Variants in LDB1 observed in about 807,000 individuals in gnomAD.
The protein encoded by LDB1 is LIM domain-binding protein 1.
LDB1 carries 6 observed loss-of-function variants against 49.7 expected under a neutral mutation model. The ratio of observed to expected loss-of-function variants is 0.12; its 90% CI spans 0.07 to 0.24. The LOEUF (loss-of-function observed/expected upper bound fraction) is 0.24, where lower values mean the gene tolerates loss of function less well. Among genes scored for constraint, LDB1 ranks in the 10% least tolerant of loss-of-function variants. LDB1 has a pLI of 1.00. For synonymous variants in LDB1, 233 were observed against 202.0 expected (o/e 1.15, Z -1.30); for missense variants, 341 against 561.7 (o/e 0.61, Z 3.97).
chr10:102,120,081 C>T lies in LDB1; in HGVS notation c.25+5G>A. 1 of 1,441,970 alleles carries T rather than the reference C, an allele frequency of 6.9e-7. No homozygotes were observed. The allele number at this position is 1,441,970 out of a possible 1,614,324, so 89.3% of individuals were successfully genotyped here. On this transcript the variant is annotated splice_donor_5th_base_variant and intron_variant, in intron 1 of 10. Transcript: ENST00000673968. ...AGGGGCCGAGTGGCCGCACGCCCCA[C>T]TCACCAGGACAGGCACAGCCCACTG...
Position 102,120,075 on chromosome 10 carries a change from G to T in LDB1, c.25+11C>A. The T allele has an allele frequency of 7.0e-7, 1 of 1,438,098 alleles. No individual in the cohort carries two copies. The highest frequency in any genetic ancestry group is 9.2e-7 in the Non-Finnish European group (1 of 1,086,180). The allele number at this position is 1,438,098 out of a possible 1,614,324, so 89.1% of individuals were successfully genotyped here. ...GCAGGAAGGGGCCGAGTGGCCGCACGCCCCACTCACCAGGACAGGCACAGC... is the reference window on the plus strand; with the variant it reads ...GCAGGAAGGGGCCGAGTGGCCGCACTCCCCACTCACCAGGACAGGCACAGC... On this transcript the variant is annotated intron_variant, in intron 1 of 10. Transcript: ENST00000673968.
intron 1 of LDB1, chr10:102,114,665 CCTGGGGGGCGGG>C: frequency 1.1e-6 from 1 of 926,012 alleles, no homozygotes; most frequent in Non-Finnish European, 1.3e-6. Flanking sequence ...AGGGGGCCGG[CCTGGGGGGCGGG>C]GGGCCGCGGG....
At position 102,107,992 on chromosome 10, in the gene LDB1, C is replaced by T; in HGVS notation, c.*101G>A. The T allele has an allele frequency of 1.0e-6, 1 of 956,016 alleles. No homozygotes were observed. Among genetic ancestry groups the T allele is most frequent in the South Asian group, 1.4e-5 (1 of 69,564 alleles). 59.2% of individuals were successfully genotyped at this position (956,016 alleles called of 1,614,324 possible). A position where few individuals can be genotyped will look rare whatever the true frequency, so the allele number is the denominator to read the frequency against. ...CCCTGAAGCGGGTGGATGGAGGCTG[C>T]CCATTTTAGATGCTCAGTCTCTTCA... On this transcript the variant is annotated 3_prime_UTR_variant, in exon 11 of 11. Coordinates refer to ENST00000673968, the MANE Select transcript of LDB1 (RefSeq NM_001113407.3).
Position 102,120,131 on chromosome 10 carries a change from G to A in LDB1, c.-21C>T. 2 of 1,332,994 alleles carry A rather than the reference G, an allele frequency of 1.5e-6. No homozygotes were observed. The allele number at this position is 1,332,994 out of a possible 1,614,324, so 82.6% of individuals were successfully genotyped here. ...GACATCTTCACATCGCCCGCCTCTGGGGGCCCAGCCGAGTCACGGTGCCCG... is the reference window on the plus strand; with the variant it reads ...GACATCTTCACATCGCCCGCCTCTGAGGGCCCAGCCGAGTCACGGTGCCCG... On this transcript the variant is annotated 5_prime_UTR_variant, in exon 1 of 11. Coordinates refer to ENST00000673968, the MANE Select transcript of LDB1 (RefSeq NM_001113407.3).
In LDB1 at chr10:102,111,239, C is replaced by T. The variant is rs777921023; in HGVS notation, c.173+17G>A. On this transcript the variant is annotated intron_variant, in intron 3 of 10. Coordinates refer to ENST00000673968, the MANE Select transcript of LDB1 (RefSeq NM_001113407.3). ...ACCCAGTGGAAAGCACCTTCTTCCC[C>T]ACTGGACTCCACTTACCCAATCCCT... The T allele has an allele frequency of 9.9e-6, 16 of 1,613,992 alleles. No individual in the cohort carries two copies. The Admixed American group carries it at 1.8e-4, about 18-fold the overall frequency.
chr10:102,121,041 C>T (rs907272015), upstream of LDB1, among the ~76,000 whole-genome samples: 5 of 152,164 alleles, frequency 3.3e-5, no homozygotes, highest in African/African-American at 1.2e-4. Flanking sequence ...TTAACCACTC[C>T]TCCTTTGCCT....
At chr10:102,110,499 T>C in intron 6 of LDB1, 30 bp downstream of exon 6, 2 of 1,594,222 alleles carry the variant, frequency 1.3e-6, no homozygotes, top group Non-Finnish European at 1.7e-6. Flanking sequence ...CCAGGTGCCA[T>C]GGTGTTCCAC....
chr10:102,113,793 A>G (rs1399180388), intron 1 of LDB1, among the ~76,000 whole-genome samples: 1 of 150,234 alleles, frequency 6.7e-6, no homozygotes. Context: ...CAGAGCCTCC[A>G]TTTCTCTCTC....
At chr10:102,114,434 T>A (rs2068302729) in intron 1 of LDB1, 2 of 984,906 alleles carry the variant, frequency 2.0e-6, no homozygotes, top group African/African-American at 1.8e-5. Context: ...CCAGGAGAGG[T>A]ACGGGGGAGC....
At chr10:102,104,699 C>CT (rs2068140652), downstream of LDB1, among the ~76,000 whole-genome samples, 1 of 152,144 alleles carries the variant, frequency 6.6e-6, no homozygotes, top group South Asian at 2.1e-4. Context: ...GCCTGGCAAT[C>CT]TACCTTTTCC....
At chr10:102,114,979 C>G (rs2068316582) in intron 1 of LDB1, 1 of 405,556 alleles carries the variant, frequency 2.5e-6, no homozygotes, top group African/African-American at 2.2e-5. Context: ...TCCCCGCTCG[C>G]TCTCTCCGAG....
intron 1 of LDB1, chr10:102,114,812 G>GGGGCGCCCCCCC: frequency 1.1e-6 from 1 of 929,818 alleles, no homozygotes; most frequent in Non-Finnish European, 1.3e-6. Context: ...CCTCCGAGCA[G>GGGGCGCCCCCCC]CCCGCCCGCC....
chr10:102,107,701 G>A lies in LDB1; in HGVS notation c.*392C>T, dbSNP rs574089862. 3.3e-3 allele frequency: 672 copies of A among 205,872 alleles called. 7 individuals carry two copies. The highest frequency in any genetic ancestry group is 0.011 in the South Asian group (107 of 9,964). The allele number at this position is 205,872 out of a possible 1,614,324, so 12.8% of individuals were successfully genotyped here. A position where few individuals can be genotyped will look rare whatever the true frequency, so the allele number is the denominator to read the frequency against. ...GGGAAGGAGCATTCAACGAAGCCCCGTAACTTTAAGTCCCTAAGGGCTGTG... is the reference window on the plus strand; with the variant it reads ...GGGAAGGAGCATTCAACGAAGCCCCATAACTTTAAGTCCCTAAGGGCTGTG... On this transcript the variant is annotated 3_prime_UTR_variant, in exon 11 of 11. Transcript: ENST00000673968.
At chr10:102,115,270 G>C (rs2068321955) in intron 1 of LDB1, among the ~76,000 whole-genome samples, 1 of 152,106 alleles carries the variant, frequency 6.6e-6, no homozygotes, top group Non-Finnish European at 1.5e-5. Context: ...TGAGCAGGTG[G>C]GCCAAAGCCA....
At chr10:102,113,865 G>A (rs1026587559) in intron 1 of LDB1, among the ~76,000 whole-genome samples, 3 of 151,872 alleles carry the variant, frequency 2.0e-5, no homozygotes, top group Non-Finnish European at 4.4e-5. Flanking sequence ...AGAGCCCAAA[G>A]CTCTGGGCCT....
In LDB1 at chr10:102,108,198, G is replaced by A; in HGVS notation, c.1131C>T (p.Ser377=). 1 of 1,614,088 alleles carries A rather than the reference G, an allele frequency of 6.2e-7. No homozygotes were observed. The highest frequency in any genetic ancestry group is 8.5e-7 in the Non-Finnish European group (1 of 1,179,988). ...DAANGIDDED[S]FNNSPALGAN... is the part of the protein sequence containing the mutation. The stretch of plus-strand genomic sequence containing the variant: ...CGCCCAGTGCAGGGGAGTTGTTAAA[G>A]CTGTCCTCGTCGTCAATGCCGTTGG... The change falls in exon 11 of 11, where the codon AGC becomes AGT. Residue 377 remains serine (S), a synonymous_variant. Transcript: ENST00000673968.
At chr10:102,119,888 C>T (rs1246382007) in intron 1 of LDB1, among the ~76,000 whole-genome samples, 198 bp downstream of exon 1, 1 of 151,852 alleles carries the variant, frequency 6.6e-6, no homozygotes. Flanking sequence ...GTCTCCTCCC[C>T]GTGTTTCTGG....
At chr10:102,116,881 C>T (rs56387652) in intron 1 of LDB1, among the ~76,000 whole-genome samples, 23 of 152,264 alleles carry the variant, frequency 1.5e-4, no homozygotes, top group African/African-American at 5.5e-4. Flanking sequence ...ACTTCTCCCC[C>T]ACTGCCTTTA....
At chr10:102,120,743 C>G (rs2068409908), upstream of LDB1, among the ~76,000 whole-genome samples, 1 of 152,164 alleles carries the variant, frequency 6.6e-6, no homozygotes, top group African/African-American at 2.4e-5. Flanking sequence ...CAGCCGCGCG[C>G]TCGGTGTCCG....
Sources: allele counts gnomAD v4.1 joint callset (sites outside exome capture counted in the v4.1 genomes callset), GRCh38; gene constraint gnomAD v4.1.1; transcripts MANE v1.5; gene names NCBI Gene and HGNC (gene_info 2026-07-23, HGNC 2026-07-21).